Variants in TMEM245 observed in about 807,000 individuals in gnomAD.
TMEM245 encodes transmembrane protein 245, also known as protein CG-2.
In TMEM245, 69 loss-of-function variants were observed where a neutral mutation model predicts 101.2. The observed-to-expected ratio is 0.68, with a 90% CI of 0.56 to 0.83. TMEM245 has a LOEUF of 0.83. Among genes scored for constraint, TMEM245 ranks in the 40% least tolerant of loss-of-function variants. The pLI is 0.00. For missense variants in TMEM245, 1,075 were observed against 1,092.8 expected (o/e 0.98, Z 0.23); for synonymous variants, 537 against 449.8 (o/e 1.19, Z -2.45).
intron 3 of TMEM245, among the ~76,000 whole-genome samples, chr9:109,096,726 A>G (rs1249307963): frequency 1.3e-5 from 2 of 152,244 alleles, no homozygotes; most frequent in Non-Finnish European, 2.9e-5. Flanking sequence ...TCTCTCTTAC[A>G]TAAGATTACA....
chr9:109,067,020 C>T (rs1829191461), intron 9 of TMEM245, among the ~76,000 whole-genome samples: 2 of 143,908 alleles, frequency 1.4e-5, no homozygotes, highest in Admixed American at 1.4e-4. Context: ...CATGCCATTG[C>T]ATTCCAGCCT....
intron 8 of TMEM245, among the ~76,000 whole-genome samples, chr9:109,076,258 T>TCAC (rs1829495089): frequency 6.7e-6 from 1 of 150,136 alleles, no homozygotes; most frequent in African/African-American, 2.5e-5. Flanking sequence ...CTGGAAACCA[T>TCAC]TCTCAGCAAA....
chr9:109,082,644 G>C (rs1829700324), intron 7 of TMEM245, among the ~76,000 whole-genome samples: 1 of 113,254 alleles, frequency 8.8e-6, no homozygotes, highest in East Asian at 2.5e-4. Flanking sequence ...ATAATGTAGA[G>C]CCTCTATTTT....
chr9:109,048,359 A>G (rs1828563243), intron 14 of TMEM245, among the ~76,000 whole-genome samples: 2 of 152,180 alleles, frequency 1.3e-5, no homozygotes, highest in African/African-American at 2.4e-5. Context: ...CTAACAATCA[A>G]ATGGGATTCT....
intron 2 of TMEM245, 117 bp downstream of exon 2, chr9:109,108,336 T>C (rs755415694): frequency 2.2e-6 from 1 of 454,506 alleles, no homozygotes; most frequent in Non-Finnish European, 3.8e-6. Context: ...TTCTAAAGAT[T>C]AAGAATGTTA....
At chr9:109,095,940 G>C (rs1830128422) in intron 3 of TMEM245, among the ~76,000 whole-genome samples, 1 of 152,168 alleles carries the variant, frequency 6.6e-6, no homozygotes, top group African/African-American at 2.4e-5. Context: ...AGTTGTTGCA[G>C]TACTATAGGC....
At chr9:109,031,889 A>C (rs1827952980) in intron 17 of TMEM245, among the ~76,000 whole-genome samples, 1 of 152,264 alleles carries the variant, frequency 6.6e-6, no homozygotes, top group South Asian at 2.1e-4. Context: ...TAATATCTGT[A>C]CTTACAAAAT....
chr9:109,025,928 A>G (rs980027612), intron 17 of TMEM245, among the ~76,000 whole-genome samples: 2 of 152,240 alleles, frequency 1.3e-5, no homozygotes, highest in Admixed American at 1.3e-4. Flanking sequence ...ATCTTTCCTT[A>G]GGGAGAATGG....
At chr9:109,027,211 T>C (rs938576184) in intron 17 of TMEM245, among the ~76,000 whole-genome samples, 2 of 151,456 alleles carry the variant, frequency 1.3e-5, no homozygotes, top group African/African-American at 4.9e-5. Flanking sequence ...GAGATGGGGG[T>C]AAACACAGGA....
chr9:109,069,810 G>C (rs983338754), intron 9 of TMEM245, among the ~76,000 whole-genome samples: 1 of 152,140 alleles, frequency 6.6e-6, no homozygotes, highest in African/African-American at 2.4e-5. Flanking sequence ...AGGCAAACTT[G>C]GGAAAGAGCA....
In TMEM245 at chr9:109,119,512, G is replaced by A. The variant is rs1395658902; in HGVS notation, c.402C>T (p.Gly134=). 1 of 1,520,446 alleles carries A rather than the reference G, an allele frequency of 6.6e-7. No individual in the cohort carries two copies. The highest frequency in any genetic ancestry group is 8.8e-7 in the Non-Finnish European group (1 of 1,140,076). 94.2% of individuals were successfully genotyped at this position (1,520,446 alleles called of 1,614,324 possible). A position where few individuals can be genotyped will look rare whatever the true frequency, so the allele number is the denominator to read the frequency against. Residue 134 remains glycine, a synonymous_variant, in exon 1 of 18, where the codon GGC becomes GGT. Transcript: ENST00000374586. ...GCGCCTGCTCGCCCAGGGCCTCGAC[G>A]CCGTAGTCGACGAAGCAGAGCGGCA... ...LLLPLCFVDY[G]VEALGEQALR... is the part of the protein sequence containing the mutation.
At position 109,034,026 on chromosome 9, in the gene TMEM245, A is replaced by T. The variant is rs543181726; in HGVS notation, c.2400-525T>A. Reference sequence around the variant, plus strand: ...TGATAAAAGGCCTCCTGAGGAAAATATCTGTCACAAAGCCCAAGATTTCTA... The same window carrying T: ...TGATAAAAGGCCTCCTGAGGAAAATTTCTGTCACAAAGCCCAAGATTTCTA... On this transcript the variant is annotated intron_variant, in intron 16 of 17. Transcript: ENST00000374586. Among the ~76,000 whole-genome samples the T allele has an allele frequency of 5.3e-5, 8 of 152,344 alleles. No homozygotes were observed. In the South Asian group the frequency reaches 1.7e-3, roughly 32 times the overall value.
chr9:109,018,998 G>C lies in TMEM245; in HGVS notation c.*1462C>G, dbSNP rs769922948. 4 of 138,934 alleles carry C rather than the reference G, an allele frequency of 2.9e-5. No homozygotes were observed. The highest frequency in any genetic ancestry group is 6.0e-5 in the Non-Finnish European group (4 of 66,912). The allele number at this position is 138,934 out of a possible 1,614,324, so 8.6% of individuals were successfully genotyped here. ...GGGCTCAAGCAATCCACCCACCTCA[G>C]CCTTCCAAAGTGCTGGGATTACAGA... On this transcript the variant is annotated 3_prime_UTR_variant, in exon 18 of 18. Coordinates refer to ENST00000374586, the MANE Select transcript of TMEM245 (RefSeq NM_032012.4).
At chr9:109,055,894 A>G (rs7858553) in intron 12 of TMEM245, among the ~76,000 whole-genome samples, 10 of 152,070 alleles carry the variant, frequency 6.6e-5, no homozygotes, top group Admixed American at 5.9e-4. Context: ...TCGGCCTCCC[A>G]AAGTGCTGGG....
Position 109,115,522 on chromosome 9 carries a change from CTTTTTTTTT to C in TMEM245, c.579+3804_579+3812del, listed in dbSNP as rs752894720. ...CTGATTTTTTCCTAGTAACTGGAAT[CTTTTTTTTT>C]TTTTTTTTTTTTTTTTTAAGACAGA... On this transcript the variant is annotated intron_variant, in intron 1 of 17. Coordinates refer to ENST00000374586, the MANE Select transcript of TMEM245 (RefSeq NM_032012.4). 2.4e-3 allele frequency among the ~76,000 whole-genome samples: 161 copies of C among 67,216 alleles called. 1 individual carries two copies. Among genetic ancestry groups the C allele is most frequent in the African/African-American group, 9.4e-3 (152 of 16,158 alleles). The allele number at this position is 67,216 out of a possible 152,430, so 44.1% of individuals were successfully genotyped here.
intron 3 of TMEM245, among the ~76,000 whole-genome samples, chr9:109,100,282 C>T (rs766428972): frequency 1.1e-4 from 17 of 152,030 alleles, no homozygotes; most frequent in Non-Finnish European, 1.9e-4. Flanking sequence ...GGGGAAAGAA[C>T]GCTGGGCTTA....
In TMEM245 at chr9:109,087,358, A is replaced by C. The variant is rs767847765; in HGVS notation, c.1151-16T>G. 1 of 1,580,976 alleles carries C rather than the reference A, an allele frequency of 6.3e-7. No homozygotes were observed. Among genetic ancestry groups the C allele is most frequent in the African/African-American group, 1.4e-5 (1 of 72,632 alleles). On this transcript the variant is annotated splice_polypyrimidine_tract_variant and intron_variant, in intron 5 of 17. Transcript: ENST00000374586. ...AGTATCCAGACTAAAAAAAGACAAAAAATACATATATAAACAAAATATAGA... is the reference window on the plus strand; with the variant it reads ...AGTATCCAGACTAAAAAAAGACAAACAATACATATATAAACAAAATATAGA...
intron 8 of TMEM245, among the ~76,000 whole-genome samples, chr9:109,079,232 G>A (rs1829601377): frequency 6.6e-6 from 1 of 151,908 alleles, no homozygotes. Context: ...CTTGATTTCT[G>A]TGGAAAGGAA....
At chr9:109,055,891 C>G (rs935169564) in intron 12 of TMEM245, among the ~76,000 whole-genome samples, 9 of 152,174 alleles carry the variant, frequency 5.9e-5, no homozygotes, top group Admixed American at 4.6e-4. Context: ...GCCTCGGCCT[C>G]CCAAAGTGCT....
Sources: allele counts gnomAD v4.1 joint callset (sites outside exome capture counted in the v4.1 genomes callset), GRCh38; gene constraint gnomAD v4.1.1; transcripts MANE v1.5; gene names NCBI Gene and HGNC (gene_info 2026-07-23, HGNC 2026-07-21).